FIGN: variants seen among roughly 807,000 people sequenced by gnomAD.
FIGN encodes fidgetin, microtubule severing factor.
In FIGN, 11 loss-of-function variants were observed where a neutral mutation model predicts 51.3. The ratio of observed to expected loss-of-function variants is 0.21; its 90% CI spans 0.13 to 0.35. FIGN has a LOEUF of 0.35. FIGN is among the 10% of genes least tolerant of loss of function. The pLI is 1.00. For synonymous variants in FIGN, 407 were observed against 363.2 expected (o/e 1.12, Z -1.37); for missense variants, 857 against 943.6 (o/e 0.91, Z 1.20).
At chr2:163,622,547 TA>T (rs1682991301) in intron 2 of FIGN, among the ~76,000 whole-genome samples, 1 of 151,928 alleles carries the variant, frequency 6.6e-6, no homozygotes, top group African/African-American at 2.4e-5. Context: ...GCCACATTTT[TA>T]TTATTTATTT....
chr2:163,634,089 C>CATGTGTGT (rs71410077), intron 2 of FIGN, among the ~76,000 whole-genome samples: 1 of 145,404 alleles, frequency 6.9e-6, no homozygotes, highest in Non-Finnish European at 1.5e-5. Context: ...CGTATGTATG[C>CATGTGTGT]GTGTGTGTGT....
intron 2 of FIGN, among the ~76,000 whole-genome samples, chr2:163,671,318 T>C (rs1683871606): frequency 6.6e-6 from 1 of 152,176 alleles, no homozygotes; most frequent in Admixed American, 6.5e-5. Context: ...TGTGGCATAC[T>C]AACCATTTAG....
chr2:163,685,293 G>A (rs1684130449), intron 2 of FIGN, among the ~76,000 whole-genome samples: 1 of 152,084 alleles, frequency 6.6e-6, no homozygotes, highest in Non-Finnish European at 1.5e-5. Context: ...TTTGTGATGA[G>A]TTGGCAACAG....
chr2:163,682,627 C>A (rs1573947412), intron 2 of FIGN, among the ~76,000 whole-genome samples: 1 of 152,218 alleles, frequency 6.6e-6, no homozygotes, highest in South Asian at 2.1e-4. Context: ...TAGGATGAGA[C>A]CTGCATTGAA....
intron 2 of FIGN, among the ~76,000 whole-genome samples, chr2:163,694,080 A>G (rs1199172988): frequency 5.3e-5 from 8 of 152,258 alleles, no homozygotes; most frequent in Middle Eastern, 6.8e-3. Flanking sequence ...ACGGGGCTGC[A>G]TGTTTTATTT....
chr2:163,696,504 C>G (rs1684321465), intron 2 of FIGN, among the ~76,000 whole-genome samples: 1 of 152,090 alleles, frequency 6.6e-6, no homozygotes, highest in African/African-American at 2.4e-5. Flanking sequence ...GAGTTATTTG[C>G]CTCCTCTTTC....
At chr2:163,705,483 C>A (rs371600983) in intron 2 of FIGN, among the ~76,000 whole-genome samples, 1 of 151,960 alleles carries the variant, frequency 6.6e-6, no homozygotes, top group Non-Finnish European at 1.5e-5. Flanking sequence ...TTTTTACCTG[C>A]TTAATTTCAA....
chr2:163,681,578 A>G (rs1392145762), intron 2 of FIGN, among the ~76,000 whole-genome samples: 1 of 152,106 alleles, frequency 6.6e-6, no homozygotes, highest in Non-Finnish European at 1.5e-5. Context: ...TAAGACAGAA[A>G]TACATACAAG....
intron 2 of FIGN, among the ~76,000 whole-genome samples, chr2:163,680,004 A>T (rs1404112073): frequency 6.6e-6 from 1 of 152,232 alleles, no homozygotes; most frequent in African/African-American, 2.4e-5. Flanking sequence ...CAATTCCAGA[A>T]TCTAGCTACT....
chr2:163,613,506 A>C (rs1333332470), intron 2 of FIGN, among the ~76,000 whole-genome samples: 1 of 152,080 alleles, frequency 6.6e-6, no homozygotes, highest in Non-Finnish European at 1.5e-5. Flanking sequence ...TTACTGCGAT[A>C]AACTGAACAT....
At chr2:163,653,742 T>G (rs955670664) in intron 2 of FIGN, among the ~76,000 whole-genome samples, 1 of 152,128 alleles carries the variant, frequency 6.6e-6, no homozygotes, top group Non-Finnish European at 1.5e-5. Flanking sequence ...TGAATCTCTA[T>G]CTATACGATG....
intron 2 of FIGN, among the ~76,000 whole-genome samples, chr2:163,669,444 G>A (rs1197612274): frequency 6.6e-6 from 1 of 152,108 alleles, no homozygotes; most frequent in African/African-American, 2.4e-5. Context: ...TCAGCTTCCA[G>A]AAACCAATAA....
chr2:163,636,262 C>T (rs544183771), intron 2 of FIGN, among the ~76,000 whole-genome samples: 1 of 152,048 alleles, frequency 6.6e-6, no homozygotes, highest in Non-Finnish European at 1.5e-5. Flanking sequence ...AACTGCATAC[C>T]CCTTGTTTCT....
intron 2 of FIGN, among the ~76,000 whole-genome samples, chr2:163,699,442 A>C (rs1027713181): frequency 6.6e-6 from 1 of 152,194 alleles, no homozygotes; most frequent in African/African-American, 2.4e-5. Flanking sequence ...TCAACATTAA[A>C]AATTGTCAAG....
In FIGN at chr2:163,609,279, C is replaced by G; in HGVS notation, c.*273G>C. On this transcript the variant is annotated 3_prime_UTR_variant, in exon 3 of 3. Transcript: ENST00000333129. ...TTCATGTCCTTCTGAAATCAACACA[C>G]TTGCACCTTGCTCCTTGGTGAGTGT... 2.4e-6 allele frequency: 1 copy of G among 416,320 alleles called. No homozygotes were observed. The highest frequency in any genetic ancestry group is 4.3e-6 in the Non-Finnish European group (1 of 234,920). The allele number at this position is 416,320 out of a possible 1,614,324, so 25.8% of individuals were successfully genotyped here.
chr2:163,710,645 T>A (rs1307668672), intron 2 of FIGN, among the ~76,000 whole-genome samples: 12 of 152,206 alleles, frequency 7.9e-5, no homozygotes, highest in African/African-American at 2.9e-4. Flanking sequence ...GACATAATAG[T>A]GCTAGCTAAA....
Position 163,713,141 on chromosome 2 carries a change from T to G in FIGN, c.25+21762A>C, listed in dbSNP as rs187898991. 8.5e-5 allele frequency among the ~76,000 whole-genome samples: 13 copies of G among 152,344 alleles called. No homozygotes were observed. In the East Asian group the frequency reaches 2.5e-3, roughly 29 times the overall value. ...TATTACAGAAGTCATTGTCCTTAAA[T>G]TCAGTAAAATATAAAACTGTTACAC... On this transcript the variant is annotated intron_variant, in intron 2 of 2. Transcript: ENST00000333129.
At chr2:163,633,935 A>G (rs1683186746) in intron 2 of FIGN, among the ~76,000 whole-genome samples, 1 of 152,134 alleles carries the variant, frequency 6.6e-6, no homozygotes, top group Non-Finnish European at 1.5e-5. Context: ...CATTCAATCA[A>G]TGAGAAAGTC....
At chr2:163,696,110 C>CA (rs1000390272) in intron 2 of FIGN, among the ~76,000 whole-genome samples, 1 of 150,830 alleles carries the variant, frequency 6.6e-6, no homozygotes, top group African/African-American at 2.4e-5. Context: ...GACTCCATCT[C>CA]AAAAAAACAA....
Sources: gnomAD v4.1 joint callset for allele counts (sites outside exome capture counted in the v4.1 genomes callset) on GRCh38, gnomAD v4.1.1 for gene constraint, MANE v1.5 for transcripts, NCBI Gene and HGNC (gene_info 2026-07-23, HGNC 2026-07-21) for gene names.